FHIT: variants seen among roughly 807,000 people sequenced by gnomAD.
FHIT encodes bis(5'-adenosyl)-triphosphatase.
In FHIT, 19 loss-of-function variants were observed where a neutral mutation model predicts 17.9. That is an observed-to-expected ratio of 1.06 (90% CI 0.74 to 1.56). The LOEUF is 1.56. Among genes scored for constraint, FHIT ranks in the 40% most tolerant of loss-of-function variants. The probability of loss-of-function intolerance (pLI) is 0.00; values close to 1 mark genes in which losing one functional copy is unlikely to be tolerated. For synonymous variants in FHIT, 81 were observed against 69.7 expected, an observed-to-expected ratio of 1.16 and a Z score of -0.81; for missense variants, 248 against 189.2, an observed-to-expected ratio of 1.31 and a Z score of -1.82.
At chr3:60,264,701 C>T (rs563117357) in intron 5 of FHIT, among the ~76,000 whole-genome samples, 25 of 151,940 alleles carry the variant, frequency 1.6e-4, no homozygotes, top group Non-Finnish European at 3.5e-4. Context: ...GTGGACTCTC[C>T]TTTTCTCCTT....
chr3:60,942,919 T>C (rs1316234498), intron 3 of FHIT, among the ~76,000 whole-genome samples: 1 of 152,220 alleles, frequency 6.6e-6, no homozygotes, highest in Non-Finnish European at 1.5e-5. Flanking sequence ...TTTCTTTGAC[T>C]CACAAATTAT....
At chr3:60,913,195 G>A (rs534084281) in intron 3 of FHIT, among the ~76,000 whole-genome samples, 7 of 152,194 alleles carry the variant, frequency 4.6e-5, no homozygotes, top group African/African-American at 1.7e-4. Flanking sequence ...AAGTACCTTG[G>A]TCAAAACACA....
At chr3:60,584,198 T>C (rs960635754) in intron 4 of FHIT, among the ~76,000 whole-genome samples, 1 of 152,056 alleles carries the variant, frequency 6.6e-6, no homozygotes, top group Non-Finnish European at 1.5e-5. Context: ...TGTGAGCCAG[T>C]TGACATGAGT....
intron 5 of FHIT, among the ~76,000 whole-genome samples, chr3:60,151,013 T>G (rs1264501250): frequency 6.6e-6 from 1 of 152,228 alleles, no homozygotes; most frequent in Non-Finnish European, 1.5e-5. Flanking sequence ...ATAATATGCT[T>G]ATATGGCAAT....
intron 4 of FHIT, among the ~76,000 whole-genome samples, chr3:60,608,951 A>T (rs955884500): frequency 8.6e-5 from 13 of 151,702 alleles, no homozygotes; most frequent in African/African-American, 3.2e-4. Flanking sequence ...AAACAAATTT[A>T]TGTTTTAAAA....
At chr3:61,198,675 A>C (rs1301445001) in intron 2 of FHIT, among the ~76,000 whole-genome samples, 1 of 152,092 alleles carries the variant, frequency 6.6e-6, no homozygotes, top group African/African-American at 2.4e-5. Flanking sequence ...TACCTACAAA[A>C]CTTCAGCCTA....
chr3:60,051,325 G>T (rs368253662), intron 5 of FHIT, among the ~76,000 whole-genome samples: 2 of 97,028 alleles, frequency 2.1e-5, no homozygotes, highest in East Asian at 2.5e-4. Context: ...AATTTAGGAT[G>T]CTTTTTTTTT....
chr3:60,059,674 A>G (rs956287506), intron 5 of FHIT, among the ~76,000 whole-genome samples: 1 of 152,132 alleles, frequency 6.6e-6, no homozygotes, highest in African/African-American at 2.4e-5. Flanking sequence ...CTGCAGGCCC[A>G]TATCGATTAG....
intron 8 of FHIT, among the ~76,000 whole-genome samples, chr3:59,775,565 A>C (rs928926703): frequency 3.3e-5 from 5 of 152,120 alleles, no homozygotes; most frequent in African/African-American, 1.2e-4. Context: ...AAACCAATTA[A>C]AATTCTCCTC....
intron 4 of FHIT, among the ~76,000 whole-genome samples, chr3:60,647,003 C>T (rs1183485124): frequency 6.6e-6 from 1 of 152,182 alleles, no homozygotes; most frequent in Admixed American, 6.5e-5. Flanking sequence ...AAGAAGTGGT[C>T]CTACATACAG....
chr3:61,028,140 T>C (rs1410437247), intron 3 of FHIT, among the ~76,000 whole-genome samples: 4 of 152,226 alleles, frequency 2.6e-5, no homozygotes, highest in Non-Finnish European at 5.9e-5. Context: ...AAATATACTA[T>C]GTTGGCAATT....
intron 2 of FHIT, among the ~76,000 whole-genome samples, chr3:61,051,708 A>G (rs2034034825): frequency 6.6e-6 from 1 of 152,068 alleles, no homozygotes; most frequent in South Asian, 2.1e-4. Context: ...TAAGCCAAAA[A>G]AGAAATATAA....
chr3:60,542,429 T>G (rs946910549), intron 4 of FHIT, among the ~76,000 whole-genome samples: 1 of 152,208 alleles, frequency 6.6e-6, no homozygotes, highest in Admixed American at 6.5e-5. Flanking sequence ...GATTTCTATT[T>G]TCCTACATCC....
chr3:59,960,243 TC>T (rs1294235682), intron 7 of FHIT, among the ~76,000 whole-genome samples: 3 of 152,190 alleles, frequency 2.0e-5, no homozygotes, highest in Non-Finnish European at 2.9e-5. Flanking sequence ...GTCACTTAGT[TC>T]AGATCAGAGA....
At chr3:60,199,147 A>G (rs954467429) in intron 5 of FHIT, among the ~76,000 whole-genome samples, 3 of 152,146 alleles carry the variant, frequency 2.0e-5, no homozygotes, top group Non-Finnish European at 4.4e-5. Flanking sequence ...GCCAGGTACT[A>G]AAAATTACCT....
chr3:60,230,597 TGAAAA>T lies in FHIT; in HGVS notation c.104-216450_104-216446del, dbSNP rs1704447922. Among the ~76,000 whole-genome samples the T allele has an allele frequency of 2.0e-5, 3 of 152,312 alleles. No homozygotes were observed. The South Asian group carries it at 6.2e-4, about 32-fold the overall frequency. On this transcript the variant is annotated intron_variant, in intron 5 of 9. Transcript: ENST00000492590. ...TGAAATGGATTCAATTCACTGGTCT[TGAAAA>T]GAAAAGTTCAGGACATTGGGGAAAA...
chr3:60,209,851 G>A (rs1325527270), intron 5 of FHIT, among the ~76,000 whole-genome samples: 9 of 151,918 alleles, frequency 5.9e-5, no homozygotes, highest in East Asian at 1.9e-4. Flanking sequence ...ACCAAATACC[G>A]CATGTTCTCA....
chr3:60,437,414 T>C (rs2030371232), intron 5 of FHIT, among the ~76,000 whole-genome samples: 1 of 152,104 alleles, frequency 6.6e-6, no homozygotes, highest in South Asian at 2.1e-4. Flanking sequence ...GGCACTTAAC[T>C]TAGAGAAAAG....
chr3:61,050,699 A>T (rs961158700), intron 2 of FHIT, among the ~76,000 whole-genome samples: 1 of 152,218 alleles, frequency 6.6e-6, no homozygotes, highest in Non-Finnish European at 1.5e-5. Flanking sequence ...AGATATTGAT[A>T]ATTATTAAAG....
Sources: gnomAD v4.1 joint callset for allele counts (sites outside exome capture counted in the v4.1 genomes callset) on GRCh38, gnomAD v4.1.1 for gene constraint, MANE v1.5 for transcripts, NCBI Gene and HGNC (gene_info 2026-07-23, HGNC 2026-07-21) for gene names.